Variants in ZNF721 observed in about 807,000 individuals in gnomAD.
ZNF721 encodes the protein zinc finger protein 721.
Under a neutral mutation model 2.4 loss-of-function variants are expected in ZNF721, and 2 were observed. The observed-to-expected ratio is 0.82, with a 90% confidence interval of 0.34 to 2.58. The LOEUF (loss-of-function observed/expected upper bound fraction) is 2.58. ZNF721 is among the 30% of genes most tolerant of loss of function. ZNF721 has a pLI of 0.11. For missense variants in ZNF721, 1,187 were observed against 1,085.5 expected (o/e 1.09, Z -1.31); for synonymous variants, 398 against 381.8 (o/e 1.04, Z -0.50).
In ZNF721 at chr4:444,159, T is replaced by A; in HGVS notation, c.308A>T (p.His103Leu). The A allele has an allele frequency of 6.2e-7, 1 of 1,613,958 alleles. No individual in the cohort carries two copies. Among genetic ancestry groups the A allele is most frequent in the Non-Finnish European group, 8.5e-7 (1 of 1,179,944 alleles). Residue 103 changes from histidine to leucine, a missense_variant, in exon 3 of 3, where the codon CAT (histidine) becomes CTT (leucine). His to Leu is a moderately conservative substitution (Grantham distance 99, BLOSUM62 -3). Coordinates refer to ENST00000511833, the MANE Select transcript of ZNF721 (RefSeq NM_133474.4). ...ACATTTAAAGTGTTTCTCTCCAGTA[T>A]GTCTTGTCTTATCTTTGTTTGAATT... is the stretch of plus-strand genomic sequence containing the variant. ...FANSNKDKTR[H>L]TGEKHFKCNE...
rs1201861872 is a variant in ZNF721 at position 442,191 on chromosome 4, C to T, written c.2276G>A (p.Gly759Glu). The T allele has an allele frequency of 6.2e-7, 1 of 1,612,056 alleles. No individual in the cohort carries two copies. Among genetic ancestry groups the T allele is most frequent in the Non-Finnish European group, 8.5e-7 (1 of 1,178,772 alleles). ...GTGTGAGGACTGTTTAAACACTTTC[C>T]CACATTCTTTACATTTGTAGAGTTT... ...GDKLYKCKEC[G>E]KVFKQSSHLN... Residue 759 changes from glycine (G) to glutamate (E), a missense_variant, in exon 3 of 3, where the codon GGG (glycine) becomes GAG (glutamate). Transcript: ENST00000511833.
Position 442,634 on chromosome 4 carries a change from T to G in ZNF721, c.1833A>C (p.Lys611Asn). 1 of 1,613,942 alleles carries G rather than the reference T, an allele frequency of 6.2e-7. No individual in the cohort carries two copies. Among genetic ancestry groups the G allele is most frequent in the Non-Finnish European group, 8.5e-7 (1 of 1,179,922 alleles). The part of the protein sequence containing the change: ...NQHKKIHTGE[K>N]LYKCEECGKD... ...TGCCACACTCTTCACATTTGTAAAG[T>G]TTCTCTCCAGTATGAATTTTCTTGT... The change falls in exon 3 of 3, where the codon AAA becomes AAC. Residue 611 changes from lysine (K) to asparagine (N), a missense_variant. Transcript: ENST00000511833.
chr4:460,524 G>T (rs1286955184), intron 2 of ZNF721, among the ~76,000 whole-genome samples: 2 of 150,066 alleles, frequency 1.3e-5, no homozygotes, highest in African/African-American at 4.9e-5. Context: ...ACAATTAAAA[G>T]AACTAGAGAA....
intron 2 of ZNF721, among the ~76,000 whole-genome samples, chr4:446,896 G>A (rs1411467186): frequency 1.3e-5 from 2 of 151,192 alleles, no homozygotes; most frequent in African/African-American, 4.9e-5. Flanking sequence ...TCAACATGTT[G>A]ACCAGGATGG....
intron 1 of ZNF721, among the ~76,000 whole-genome samples, chr4:493,104 TATG>T (rs1316257428): frequency 6.6e-6 from 1 of 151,586 alleles, no homozygotes; most frequent in Non-Finnish European, 1.5e-5. Flanking sequence ...CTAGATTATT[TATG>T]ATAACTGTGG....
intron 1 of ZNF721, among the ~76,000 whole-genome samples, chr4:490,770 C>G (rs1716000326): frequency 1.3e-5 from 2 of 151,966 alleles, no homozygotes; most frequent in South Asian, 4.2e-4. Flanking sequence ...GTGGATGTAA[C>G]CTTACACAGC....
rs782676554 is a variant in ZNF721, at chr4:442,273, T to G, written c.2194A>C (p.Arg732=). 30 of 1,613,376 alleles carry G rather than the reference T, an allele frequency of 1.9e-5. No individual in the cohort carries two copies. Among genetic ancestry groups the G allele is most frequent in the Non-Finnish European group, 2.5e-5 (30 of 1,179,458 alleles). ...AGGTTTGTGGACCATCCAAAGGATC[T>G]GCCACGATCTTCACATTTGTAGGGT... ...EKPYKCEDRG[R]SFGWSTNLNE... Residue 732 remains arginine, a synonymous_variant, in exon 3 of 3, where the codon AGA becomes CGA. Coordinates refer to ENST00000511833, the MANE Select transcript of ZNF721 (RefSeq NM_133474.4).
intron 2 of ZNF721, among the ~76,000 whole-genome samples, chr4:445,871 T>C (rs1414255253): frequency 2.0e-5 from 3 of 152,204 alleles, no homozygotes; most frequent in African/African-American, 7.2e-5. Flanking sequence ...CAAAAAGTGA[T>C]GTGTCATTTA....
At chr4:497,255 C>A (rs142275151) in intron 1 of ZNF721, among the ~76,000 whole-genome samples, 2 of 151,988 alleles carry the variant, frequency 1.3e-5, no homozygotes, top group Non-Finnish European at 2.9e-5. Flanking sequence ...CCTCAGACCC[C>A]CCACCGAAAA....
intron 2 of ZNF721, among the ~76,000 whole-genome samples, chr4:471,662 T>C (rs1052160951): frequency 6.6e-6 from 1 of 152,130 alleles, no homozygotes; most frequent in Admixed American, 6.5e-5. Flanking sequence ...TAGCATTAGA[T>C]TAGCAAAACA....
chr4:468,501 G>A (rs1715328876), intron 2 of ZNF721, among the ~76,000 whole-genome samples: 2 of 151,946 alleles, frequency 1.3e-5, no homozygotes, highest in African/African-American at 4.8e-5. Flanking sequence ...CCTGGTATTT[G>A]GGCCATCATA....
intron 1 of ZNF721, among the ~76,000 whole-genome samples, chr4:485,677 G>A (rs371328815): frequency 6.6e-6 from 1 of 152,192 alleles, no homozygotes; most frequent in Non-Finnish European, 1.5e-5. Context: ...GCCATTGCCT[G>A]GGTCTCACTC....
intron 2 of ZNF721, among the ~76,000 whole-genome samples, chr4:458,084 A>G (rs1476364752): frequency 6.6e-6 from 1 of 152,264 alleles, no homozygotes; most frequent in African/African-American, 2.4e-5. Context: ...TGACTAGGTT[A>G]GAGCATTTCC....
chr4:477,282 A>G lies in ZNF721; in HGVS notation c.-93-4581T>C, dbSNP rs1170198618. 2.5e-5 allele frequency among the ~76,000 whole-genome samples: 3 copies of G among 120,584 alleles called. No individual in the cohort carries two copies. In the East Asian group the frequency reaches 7.3e-4, roughly 30 times the overall value. 79.1% of individuals were successfully genotyped at this position (120,584 alleles called of 152,430 possible). A position where few individuals can be genotyped will look rare whatever the true frequency, so the allele number is the denominator to read the frequency against. ...TTTTTTTTTTTTTTTTTTTTTGGAG[A>G]CAGAGTCTCGTCTCACTCTGTATGG... is the stretch of plus-strand genomic sequence containing the variant. On this transcript the variant is annotated intron_variant, in intron 1 of 2. Transcript: ENST00000511833.
In ZNF721 at chr4:441,752, A is replaced by C. The variant is rs1553863149; in HGVS notation, c.2715T>G (p.Ser905=). The C allele has an allele frequency of 6.2e-7, 1 of 1,605,048 alleles. No homozygotes were observed. Among genetic ancestry groups the C allele is most frequent in the South Asian group, 1.2e-5 (1 of 85,002 alleles). Residue 905 remains serine (S), a synonymous_variant, in exon 3 of 3, where the codon TCT becomes TCG. Transcript: ENST00000511833. ...TTTTCTTATGTGCATAAAGATTTGC[A>C]GACTGTCTAAAGGTTTTGCCACAGT... ...CGDCGKTFRQ[S]ANLYAHKKIH...
chr4:464,341 G>A (rs1445938577), intron 2 of ZNF721, among the ~76,000 whole-genome samples: 1 of 151,852 alleles, frequency 6.6e-6, no homozygotes, highest in Non-Finnish European at 1.5e-5. Flanking sequence ...ATGGTGGCAG[G>A]TGCCTGTAAT....
At chr4:448,323 C>A (rs1714542828) in intron 2 of ZNF721, among the ~76,000 whole-genome samples, 1 of 151,710 alleles carries the variant, frequency 6.6e-6, no homozygotes, top group Non-Finnish European at 1.5e-5. Context: ...GTAGTCCCAG[C>A]TACTGGACAG....
chr4:480,492 C>T (rs2108717843), intron 1 of ZNF721, among the ~76,000 whole-genome samples: 1 of 152,206 alleles, frequency 6.6e-6, no homozygotes, highest in East Asian at 1.9e-4. Flanking sequence ...TGCAGCAAAC[C>T]TCTAGAACTT....
chr4:472,781 T>C (rs782445991), intron 1 of ZNF721, 80 bp from the exon 2 acceptor site: 84 of 1,563,450 alleles, frequency 5.4e-5, no homozygotes, highest in Non-Finnish European at 7.1e-5. Flanking sequence ...AGTTCTGACA[T>C]GTGACTGACT....
Sources: gnomAD v4.1 joint callset for allele counts (sites outside exome capture counted in the v4.1 genomes callset) on GRCh38, gnomAD v4.1.1 for gene constraint, MANE v1.5 for transcripts, NCBI Gene and HGNC (gene_info 2026-07-23, HGNC 2026-07-21) for gene names.